The following CMPK1 variants were observed in gnomAD, a reference collection of about 807,000 sequenced individuals.
CMPK1 encodes the protein UMP-CMP kinase.
A neutral mutation model predicts 25.7 loss-of-function variants in CMPK1; 10 were observed. That is an observed-to-expected ratio of 0.39 (90% confidence interval 0.24 to 0.66). The LOEUF (loss-of-function observed/expected upper bound fraction) is 0.66, where lower values mean the gene tolerates loss of function less well. CMPK1 is among the 30% of genes least tolerant of loss of function. CMPK1 has a pLI of 0.48. For synonymous variants in CMPK1, 106 were observed against 101.5 expected, an observed-to-expected ratio of 1.04 and a Z score of -0.27; for missense variants, 199 against 280.5, an observed-to-expected ratio of 0.71 and a Z score of 2.08.
intron 1 of CMPK1, among the ~76,000 whole-genome samples, chr1:47,359,094 G>A (rs976274180): frequency 2.0e-5 from 3 of 152,056 alleles, no homozygotes; most frequent in African/African-American, 4.8e-5. Context: ...CGAGGTGGGC[G>A]GATCACGAGG....
intron 1 of CMPK1, among the ~76,000 whole-genome samples, chr1:47,359,392 T>C (rs1161671617): frequency 7.8e-5 from 11 of 140,710 alleles, no homozygotes; most frequent in African/African-American, 2.6e-4. Flanking sequence ...TTTTCTTTTT[T>C]TTTTTTTTTT....
chr1:47,360,419 G>T (rs938680866), intron 1 of CMPK1, among the ~76,000 whole-genome samples: 9 of 152,144 alleles, frequency 5.9e-5, no homozygotes, highest in African/African-American at 2.2e-4. Flanking sequence ...GAAGCCATCC[G>T]TAAAATGTTA....
chr1:47,351,969 C>G (rs373384289), intron 1 of CMPK1, among the ~76,000 whole-genome samples: 22 of 151,972 alleles, frequency 1.4e-4, no homozygotes, highest in African/African-American at 5.1e-4. Context: ...AACCCTGTCT[C>G]TACTAAAAAT....
At position 47,376,801 on chromosome 1, in the gene CMPK1, T is replaced by A. The variant is rs1646711286; in HGVS notation, c.*56T>A. The stretch of plus-strand genomic sequence containing the variant: ...GCTTGAATATTGCTTTGATAGCTGC[T>A]ATCATGACCCCTTTTTAAGGCAATT... On this transcript the variant is annotated 3_prime_UTR_variant, in exon 6 of 6. Coordinates refer to ENST00000371873, the MANE Select transcript of CMPK1 (RefSeq NM_016308.3). 3.1e-6 allele frequency: 3 copies of A among 962,758 alleles called. No homozygotes were observed. Among genetic ancestry groups the A allele is most frequent in the Non-Finnish European group, 4.9e-6 (3 of 610,290 alleles). 59.6% of individuals were successfully genotyped at this position (962,758 alleles called of 1,614,324 possible).
intron 1 of CMPK1, among the ~76,000 whole-genome samples, chr1:47,356,310 ATTCTTATTT>A (rs1159861902): frequency 6.6e-6 from 1 of 151,908 alleles, no homozygotes; most frequent in East Asian, 1.9e-4. Context: ...TACTTGTTGA[ATTCTTATTT>A]ATACTTGGGT....
chr1:47,358,416 G>T, intron 1 of CMPK1: 1 of 1,209,718 alleles, frequency 8.3e-7, no homozygotes, highest in South Asian at 1.5e-5. Flanking sequence ...CGTAGTCCCT[G>T]TTTTTAGAAG....
At chr1:47,351,324 C>G (rs1298354041) in intron 1 of CMPK1, among the ~76,000 whole-genome samples, 1 of 152,170 alleles carries the variant, frequency 6.6e-6, no homozygotes, top group East Asian at 1.9e-4. Flanking sequence ...TGTGATCCAC[C>G]TGCCTCGAGC....
intron 1 of CMPK1, among the ~76,000 whole-genome samples, chr1:47,334,637 C>T (rs1457963116): frequency 6.6e-6 from 1 of 152,174 alleles, no homozygotes; most frequent in African/African-American, 2.4e-5. Flanking sequence ...GCCCGTGGGG[C>T]GGGGTGTTAT....
intron 1 of CMPK1, among the ~76,000 whole-genome samples, chr1:47,341,647 T>C (rs963552061): frequency 1.3e-5 from 2 of 152,116 alleles, no homozygotes; most frequent in Non-Finnish European, 2.9e-5. Flanking sequence ...TTATTATTTA[T>C]TTATTTATTT....
At chr1:47,350,777 C>T (rs1440118041) in intron 1 of CMPK1, among the ~76,000 whole-genome samples, 5 of 151,640 alleles carry the variant, frequency 3.3e-5, no homozygotes, top group Non-Finnish European at 7.4e-5. Context: ...CGTGGTGGCA[C>T]GCACCTGTAA....
intron 2 of CMPK1, among the ~76,000 whole-genome samples, chr1:47,370,278 A>G (rs1646669560): frequency 2.0e-5 from 3 of 151,606 alleles, no homozygotes; most frequent in Admixed American, 6.6e-5. Flanking sequence ...CATGGTGTCT[A>G]CTTTTCTGGT....
chr1:47,366,091 G>A (rs1403815160), intron 1 of CMPK1, among the ~76,000 whole-genome samples: 1 of 152,150 alleles, frequency 6.6e-6, no homozygotes, highest in Non-Finnish European at 1.5e-5. Flanking sequence ...CTGCTTGGGA[G>A]GCTGAGGCAC....
At chr1:47,370,211 C>T (rs1441454430) in intron 2 of CMPK1, among the ~76,000 whole-genome samples, 1 of 151,914 alleles carries the variant, frequency 6.6e-6, no homozygotes, top group East Asian at 1.9e-4. Flanking sequence ...GACACCATGC[C>T]CAGCCCTTTC....
intron 3 of CMPK1, among the ~76,000 whole-genome samples, chr1:47,373,880 C>T (rs1406633595): frequency 6.6e-6 from 1 of 151,852 alleles, no homozygotes; most frequent in African/African-American, 2.4e-5. Context: ...AAAAAATGTA[C>T]TTTTCTTTCT....
chr1:47,335,173 A>C (rs4492666), intron 1 of CMPK1, among the ~76,000 whole-genome samples: 87,983 of 152,032 alleles, frequency 0.58, 27,582 homozygotes, highest in African/African-American at 0.83. Context: ...CCTAGAACTT[A>C]TAATTTCCTC....
Position 47,364,753 on chromosome 1 carries a change from A to G in CMPK1, c.172-3716A>G, listed in dbSNP as rs1646627483. 2.0e-5 allele frequency among the ~76,000 whole-genome samples: 3 copies of G among 148,890 alleles called. No individual in the cohort carries two copies. In the Admixed American group the frequency reaches 2.0e-4, roughly 10 times the overall value. ...TGAAAATGTAATTTATATATTATAC[A>G]TTATGTGAATTTATATATGTTTTGT... On this transcript the variant is annotated intron_variant, in intron 1 of 5. Transcript: ENST00000371873.
At chr1:47,373,370 A>G in intron 3 of CMPK1, 1 of 254,760 alleles carries the variant, frequency 3.9e-6, no homozygotes. Flanking sequence ...ATTGACATAC[A>G]TAATAATATT....
intron 1 of CMPK1, chr1:47,358,599 G>T: frequency 3.0e-6 from 3 of 991,962 alleles, no homozygotes; most frequent in Non-Finnish European, 3.6e-6. Flanking sequence ...GTCACACTGG[G>T]TTGTGACAGA....
At chr1:47,371,484 T>C (rs1646677813) in intron 2 of CMPK1, among the ~76,000 whole-genome samples, 1 of 152,260 alleles carries the variant, frequency 6.6e-6, no homozygotes, top group Non-Finnish European at 1.5e-5. Context: ...GTCATTATTT[T>C]TCTTGTAGTA....
Sources: gnomAD v4.1 joint callset for allele counts (sites outside exome capture counted in the v4.1 genomes callset) on GRCh38, gnomAD v4.1.1 for gene constraint, MANE v1.5 for transcripts, NCBI Gene and HGNC (gene_info 2026-07-23, HGNC 2026-07-21) for gene names.